DYNC2H1: variants seen among roughly 807,000 people sequenced by gnomAD.
The protein encoded by DYNC2H1 is dynein cytoplasmic 2 heavy chain 1.
DYNC2H1 carries 410 observed loss-of-function variants against 570.0 expected under a neutral mutation model. The ratio of observed to expected loss-of-function variants is 0.72; its 90% CI spans 0.66 to 0.78. The LOEUF (loss-of-function observed/expected upper bound fraction) is 0.78, where lower values mean the gene tolerates loss of function less well. Among genes scored for constraint, DYNC2H1 ranks in the 30% least tolerant of loss-of-function variants. DYNC2H1 has a pLI of 0.00. For synonymous variants in DYNC2H1, 1,688 were observed against 1,677.6 expected (o/e 1.01, Z -0.15); for missense variants, 4,865 against 5,046.4 (o/e 0.96, Z 1.09).
intron 83 of DYNC2H1, among the ~76,000 whole-genome samples, chr11:103,360,015 T>C (rs1940558782): frequency 1.3e-5 from 2 of 152,060 alleles, no homozygotes; most frequent in African/African-American, 4.8e-5. Flanking sequence ...TCTCTGATGT[T>C]GGATTTCTGC....
intron 57 of DYNC2H1, 148 bp downstream of exon 57, chr11:103,220,931 A>C (rs1863561867): frequency 1.5e-6 from 1 of 682,116 alleles, no homozygotes. Flanking sequence ...AAGGTATTCT[A>C]TGTAATCATA....
At chr11:103,378,397 C>T (rs1365944377) in intron 83 of DYNC2H1, among the ~76,000 whole-genome samples, 2 of 152,030 alleles carry the variant, frequency 1.3e-5, no homozygotes, top group Non-Finnish European at 2.9e-5. Context: ...AAGAAAAGAG[C>T]CCTTACCATT....
At chr11:103,169,726 T>G (rs1159720008) in intron 32 of DYNC2H1, among the ~76,000 whole-genome samples, 1 of 152,200 alleles carries the variant, frequency 6.6e-6, no homozygotes, top group African/African-American at 2.4e-5. Flanking sequence ...AAAATAGTTC[T>G]GATTTGTGGA....
intron 84 of DYNC2H1, among the ~76,000 whole-genome samples, chr11:103,417,765 A>G (rs918398011): frequency 1.3e-5 from 2 of 152,044 alleles, no homozygotes; most frequent in Non-Finnish European, 2.9e-5. Context: ...AATTCCAGCT[A>G]CACAAGAGGC....
chr11:103,427,433 A>G (rs538913289), intron 84 of DYNC2H1, among the ~76,000 whole-genome samples: 17 of 152,286 alleles, frequency 1.1e-4, no homozygotes, highest in East Asian at 3.9e-4. Context: ...AAGCTTCACT[A>G]TAAGTATTCC....
At chr11:103,327,241 A>G (rs72975681) in intron 82 of DYNC2H1, among the ~76,000 whole-genome samples, 21,561 of 151,676 alleles carry the variant, frequency 0.14, 2,022 homozygotes, top group Non-Finnish European at 0.21. Flanking sequence ...GGTATCTCTC[A>G]GTGGGAATGG....
In DYNC2H1 at chr11:103,333,453, CAG is replaced by C. The variant is rs532773169; in HGVS notation, c.12039+9464_12039+9465del. 1.5e-4 allele frequency among the ~76,000 whole-genome samples: 23 copies of C among 152,162 alleles called. No individual in the cohort carries two copies. In the South Asian group the frequency reaches 3.7e-3, roughly 25 times the overall value. On this transcript the variant is annotated intron_variant, in intron 82 of 88. Transcript: ENST00000375735. Reference sequence around the variant, plus strand: ...TAACTTTTTGTATTTTTAGTAGAGACAGGGGTTTCACCGTGTTAGCCAGGATG... The same window carrying C: ...TAACTTTTTGTATTTTTAGTAGAGACGGGTTTCACCGTGTTAGCCAGGATG...
intron 85 of DYNC2H1, among the ~76,000 whole-genome samples, chr11:103,451,969 T>C (rs1944622017): frequency 4.6e-5 from 7 of 152,158 alleles, no homozygotes. Flanking sequence ...ATTTCTTTTA[T>C]CTTTTTAATG....
rs1864000576 is a variant in DYNC2H1, at chr11:103,231,331, C to G, written c.9425C>G (p.Ser3142Ter). The G allele has an allele frequency of 6.2e-7, 1 of 1,603,236 alleles. No homozygotes were observed. The highest frequency in any genetic ancestry group is 1.1e-5 in the South Asian group (1 of 88,772). The change falls in exon 60 of 89, where the codon TCA (serine) becomes TGA (stop). Residue 3142 changes from serine to a stop codon, truncating the protein, a stop_gained. Transcript: ENST00000375735. LOFTEE classifies it high-confidence loss of function. Reference sequence around the variant, plus strand: ...CTTAATTCTGTTGGTCAAAAGGTATCAGAACTCAAAGAAAAGTAAGTTATA... The same window carrying G: ...CTTAATTCTGTTGGTCAAAAGGTATGAGAACTCAAAGAAAAGTAAGTTATA... ...ELLNSVGQKV[S>*]ELKEKFQSRT...
At chr11:103,444,824 G>A (rs1420295821) in intron 85 of DYNC2H1, among the ~76,000 whole-genome samples, 2 of 152,186 alleles carry the variant, frequency 1.3e-5, no homozygotes, top group Admixed American at 6.5e-5. Context: ...TGCTTTGCTT[G>A]TTCAAGGAAT....
At chr11:103,279,511 G>A (rs961607611) in intron 70 of DYNC2H1, among the ~76,000 whole-genome samples, 6 of 151,996 alleles carry the variant, frequency 3.9e-5, no homozygotes, top group African/African-American at 1.4e-4. Flanking sequence ...GATTGCTCCT[G>A]AAAGTCTGAA....
At chr11:103,134,442 T>C in intron 15 of DYNC2H1, 23 bp downstream of exon 15, 1 of 1,568,618 alleles carries the variant, frequency 6.4e-7, no homozygotes, top group Non-Finnish European at 8.7e-7. Flanking sequence ...TTATTTTGTG[T>C]GTATACTTTG....
rs1938263880 is a variant in DYNC2H1, at chr11:103,322,543, G to T, written c.11934+1306G>T. On this transcript the variant is annotated intron_variant, in intron 81 of 88. Coordinates refer to ENST00000375735, the MANE Select transcript of DYNC2H1 (RefSeq NM_001377.3). ...AGCCTAGTTTTCTTGTTTTTGTGCT[G>T]TTTATATAAATTATATCACGTGGTA... Among the ~76,000 whole-genome samples, 2 of 151,992 alleles carry T rather than the reference G, an allele frequency of 1.3e-5. 1 individual carries two copies. The highest frequency in any genetic ancestry group is 4.2e-4 in the South Asian group (2 of 4,810).
intron 75 of DYNC2H1, among the ~76,000 whole-genome samples, chr11:103,302,217 G>T (rs1867077831): frequency 6.6e-6 from 1 of 152,164 alleles, no homozygotes; most frequent in East Asian, 1.9e-4. Flanking sequence ...CCTTTGGCAA[G>T]ATAATCAATT....
At chr11:103,468,786 C>A in intron 88 of DYNC2H1, 81 bp downstream of exon 88, 1 of 1,131,826 alleles carries the variant, frequency 8.8e-7, no homozygotes, top group Non-Finnish European at 1.2e-6. Flanking sequence ...ACATTCTTGG[C>A]CTGTGTATTT....
chr11:103,370,224 C>T (rs1256288660), intron 83 of DYNC2H1, among the ~76,000 whole-genome samples: 1 of 152,204 alleles, frequency 6.6e-6, no homozygotes, highest in African/African-American at 2.4e-5. Flanking sequence ...GAGTGAGGCT[C>T]CTCTGCCTTT....
At chr11:103,175,183 T>A (rs1861752366) in intron 36 of DYNC2H1, among the ~76,000 whole-genome samples, 1 of 152,160 alleles carries the variant, frequency 6.6e-6, no homozygotes, top group African/African-American at 2.4e-5. Flanking sequence ...TTCTTCAGGT[T>A]GCTATTGAAA....
intron 1 of DYNC2H1, among the ~76,000 whole-genome samples, 166 bp downstream of exon 1, chr11:103,109,935 C>G (rs576882651): frequency 6.6e-6 from 1 of 152,286 alleles, no homozygotes; most frequent in South Asian, 2.1e-4. Context: ...GCGTTGGCCT[C>G]GTGCTTAAGC....
rs774238779 is a variant in DYNC2H1, at chr11:103,409,131, G to A, written c.12366+9259G>A. Among the ~76,000 whole-genome samples, 23 of 152,002 alleles carry A rather than the reference G, an allele frequency of 1.5e-4. 1 individual carries two copies. The highest frequency in any genetic ancestry group is 2.0e-4 in the Admixed American group (3 of 15,230). On this transcript the variant is annotated intron_variant, in intron 84 of 88. Coordinates refer to ENST00000375735, the MANE Select transcript of DYNC2H1 (RefSeq NM_001377.3). Reference sequence around the variant, plus strand: ...TAATACTGGTAATGCTAGAGGTGGTGTTTTTGGTAAACAGGCAGGGTAAGA... The same window carrying A: ...TAATACTGGTAATGCTAGAGGTGGTATTTTTGGTAAACAGGCAGGGTAAGA...
Sources: gnomAD v4.1 joint callset for allele counts (sites outside exome capture counted in the v4.1 genomes callset) on GRCh38, gnomAD v4.1.1 for gene constraint, MANE v1.5 for transcripts, NCBI Gene and HGNC (gene_info 2026-07-23, HGNC 2026-07-21) for gene names.